The following MAF variants were observed in gnomAD, a reference collection of about 807,000 sequenced individuals.
MAF encodes transcription factor Maf.
In MAF, 10 loss-of-function variants were observed where a neutral mutation model predicts 22.0. The observed-to-expected ratio is 0.45, with a 90% CI of 0.28 to 0.77. The LOEUF (loss-of-function observed/expected upper bound fraction) is 0.77, where lower values mean the gene tolerates loss of function less well. Ranked by LOEUF, MAF falls within the 30% of genes least tolerant of loss-of-function variation. The pLI is 0.12. For missense variants in MAF, 544 were observed against 548.4 expected, an observed-to-expected ratio of 0.99 and a Z score of 0.08; for synonymous variants, 337 against 255.8, an observed-to-expected ratio of 1.32 and a Z score of -3.03.
chr16:79,231,463 A>C, the MAF span, among the ~76,000 whole-genome samples: 1 of 152,152 alleles, frequency 6.6e-6, no homozygotes, highest in South Asian at 2.1e-4. Context: ...TGAATGGAAC[A>C]GAAAACAGTG....
chr16:79,446,706 G>C, the MAF span, among the ~76,000 whole-genome samples: 4 of 151,560 alleles, frequency 2.6e-5, no homozygotes, highest in African/African-American at 4.8e-5. Context: ...GAACCCAGAA[G>C]TTCAAGACCA....
downstream of MAF, among the ~76,000 whole-genome samples, chr16:79,580,869 T>C (rs1912474813): frequency 6.6e-6 from 1 of 151,726 alleles, no homozygotes. Flanking sequence ...AGAAAACCAA[T>C]ACCAAATAAA....
the MAF span, among the ~76,000 whole-genome samples, chr16:79,235,480 C>T: frequency 1.1e-3 from 170 of 152,004 alleles, 1 homozygote; most frequent in Non-Finnish European, 3.1e-4. Flanking sequence ...GTGGGGAGAT[C>T]GCTTGAGCCC....
chr16:79,289,360 T>A, the MAF span, among the ~76,000 whole-genome samples: 1 of 152,024 alleles, frequency 6.6e-6, no homozygotes, highest in Non-Finnish European at 1.5e-5. Flanking sequence ...TTGGTGGGTC[T>A]CAGGGAAGGC....
the MAF span, among the ~76,000 whole-genome samples, chr16:79,436,217 G>A: frequency 2.6e-5 from 4 of 152,068 alleles, no homozygotes; most frequent in South Asian, 4.2e-4. Flanking sequence ...CAACCAGCTG[G>A]GACTACAGGT....
chr16:79,582,821 T>C (rs1912603817), downstream of MAF, among the ~76,000 whole-genome samples: 1 of 152,216 alleles, frequency 6.6e-6, no homozygotes, highest in South Asian at 2.1e-4. Flanking sequence ...GCAGAGAGCA[T>C]TCTCCTTCCC....
chr16:79,205,858 C>G, the MAF span: 4 of 152,126 alleles, frequency 2.6e-5, no homozygotes, highest in Non-Finnish European at 4.4e-5. Flanking sequence ...ATGAAACACT[C>G]CAGAGCCCGC....
the MAF span, among the ~76,000 whole-genome samples, chr16:79,457,098 A>C: frequency 1.3e-5 from 2 of 152,122 alleles, no homozygotes; most frequent in African/African-American, 2.4e-5. Flanking sequence ...ACTCAGAATC[A>C]CAAGTGTTGA....
the MAF span, among the ~76,000 whole-genome samples, chr16:79,295,090 G>A: frequency 1.3e-5 from 2 of 151,202 alleles, no homozygotes; most frequent in African/African-American, 2.4e-5. Flanking sequence ...TTTTTTGGGG[G>A]TGGGGGAGGG....
the MAF span, among the ~76,000 whole-genome samples, chr16:79,467,507 A>C: frequency 3.3e-5 from 5 of 152,286 alleles, no homozygotes; most frequent in East Asian, 9.6e-4. Context: ...AAATCGAGTA[A>C]TTTGTCCGAA....
chr16:79,599,052 T>G lies in MAF; in HGVS notation c.851A>C (p.Glu284Ala). 6.2e-7 allele frequency: 1 copy of G among 1,612,368 alleles called. No individual in the cohort carries two copies. The highest frequency in any genetic ancestry group is 8.5e-7 in the Non-Finnish European group (1 of 1,179,850). Reference sequence around the variant, plus strand: ...CTTCTGCTTCAGCCGGATCACCTCCTCCTTGCTGACCCCGCGCAGCTGCCG... The same window carrying G: ...CTTCTGCTTCAGCCGGATCACCTCCGCCTTGCTGACCCCGCGCAGCTGCCG... ...LNRQLRGVSK[E>A]EVIRLKQKRR... The change falls in exon 1 of 2, where the codon GAG (glutamate) becomes GCG (alanine). Residue 284 changes from glutamate to alanine, a missense_variant. Coordinates refer to ENST00000326043, the MANE Select transcript of MAF (RefSeq NM_005360.5).
chr16:79,594,978 A>T, intron 1 of MAF: 1 of 1,085,542 alleles, frequency 9.2e-7, no homozygotes, highest in Non-Finnish European at 1.1e-6. Context: ...CTCATTTGTC[A>T]TGAGATAACT....
chr16:79,571,449 A>C, the MAF span, among the ~76,000 whole-genome samples: 1 of 151,410 alleles, frequency 6.6e-6, no homozygotes, highest in Admixed American at 6.6e-5. Flanking sequence ...GGGAGCTTCT[A>C]GTGGTCATTT....
chr16:79,541,997 T>C, the MAF span, among the ~76,000 whole-genome samples: 3 of 152,154 alleles, frequency 2.0e-5, no homozygotes, highest in South Asian at 6.2e-4. Flanking sequence ...GTTCAGATTG[T>C]GGCATTTGCT....
intron 1 of MAF, chr16:79,586,015 T>G: frequency 1.6e-6 from 1 of 622,806 alleles, no homozygotes; most frequent in South Asian, 1.9e-5. Context: ...AACAGTATGC[T>G]ACAGGCAGCC....
chr16:79,501,624 T>G, the MAF span, among the ~76,000 whole-genome samples: 1 of 152,228 alleles, frequency 6.6e-6, no homozygotes, highest in Non-Finnish European at 1.5e-5. Context: ...CTAACTTCAG[T>G]GTTGATGCTG....
chr16:79,379,762 G>A, the MAF span, among the ~76,000 whole-genome samples: 1 of 152,168 alleles, frequency 6.6e-6, no homozygotes, highest in Non-Finnish European at 1.5e-5. Flanking sequence ...TTGGGTTTCA[G>A]TGTGTATGAC....
chr16:79,329,567 A>G, the MAF span, among the ~76,000 whole-genome samples: 1 of 152,158 alleles, frequency 6.6e-6, no homozygotes, highest in Non-Finnish European at 1.5e-5. Context: ...ATTAAGCAAC[A>G]AAGTGGAAAA....
chr16:79,217,644 G>C, the MAF span, among the ~76,000 whole-genome samples: 10 of 152,156 alleles, frequency 6.6e-5, no homozygotes, highest in Non-Finnish European at 1.5e-4. Context: ...AACAGGAAGA[G>C]TAGGCCAGTT....
Sources: gnomAD v4.1 joint callset for allele counts (sites outside exome capture counted in the v4.1 genomes callset) on GRCh38, gnomAD v4.1.1 for gene constraint, MANE v1.5 for transcripts, NCBI Gene and HGNC (gene_info 2026-07-23, HGNC 2026-07-21) for gene names.